MTPN: variants seen among roughly 807,000 people sequenced by gnomAD.
MTPN encodes myotrophin, also known as granule cell differentiation protein.
MTPN carries 2 observed loss-of-function variants against 13.5 expected under a neutral mutation model. That is an observed-to-expected ratio of 0.15 (90% CI 0.06 to 0.47). The LOEUF (loss-of-function observed/expected upper bound fraction) is 0.47, where lower values mean the gene tolerates loss of function less well. MTPN is among the 20% of genes least tolerant of loss of function. MTPN has a pLI of 0.97. For synonymous variants in MTPN, 46 were observed against 51.7 expected (o/e 0.89, Z 0.48); for missense variants, 79 against 137.9 (o/e 0.57, Z 2.14).
chr7:135,959,377 T>C (rs1266555498), intron 1 of MTPN, among the ~76,000 whole-genome samples: 1 of 152,190 alleles, frequency 6.6e-6, no homozygotes, highest in African/African-American at 2.4e-5. Context: ...GCCTTGGAGA[T>C]TGGCGGAAAA....
intron 3 of MTPN, among the ~76,000 whole-genome samples, chr7:135,947,127 G>C (rs962604980): frequency 1.3e-5 from 2 of 152,014 alleles, no homozygotes; most frequent in African/African-American, 4.8e-5. Flanking sequence ...TATTTGTTTA[G>C]AGTTATTCAC....
chr7:135,951,887 A>G (rs1799368681), intron 1 of MTPN, among the ~76,000 whole-genome samples: 1 of 152,246 alleles, frequency 6.6e-6, no homozygotes, highest in Admixed American at 6.5e-5. Flanking sequence ...GAAATACATT[A>G]CTGTCCTCCA....
chr7:135,941,878 T>C lies in MTPN; in HGVS notation c.270+8721A>G, dbSNP rs1282772147. On this transcript the variant is annotated intron_variant, in intron 3 of 3. Coordinates refer to ENST00000393085, the MANE Select transcript of MTPN (RefSeq NM_145808.4). ...GACAGTCACATATTGAGCTGTTATA[T>C]TACTTTTTTTTTTTTTTTTTTGAGA... 4.0e-5 allele frequency among the ~76,000 whole-genome samples: 6 copies of C among 150,690 alleles called. No homozygotes were observed. In the East Asian group the frequency reaches 1.2e-3, roughly 29 times the overall value.
At chr7:135,951,236 T>C (rs1348563203) in intron 2 of MTPN, among the ~76,000 whole-genome samples, 1 of 152,136 alleles carries the variant, frequency 6.6e-6, no homozygotes. Flanking sequence ...TACCCACAGA[T>C]AGTGCTAACT....
intron 1 of MTPN, among the ~76,000 whole-genome samples, chr7:135,974,790 A>T (rs1004067544): frequency 6.6e-6 from 1 of 152,216 alleles, no homozygotes; most frequent in Non-Finnish European, 1.5e-5. Flanking sequence ...GTAGATGAAA[A>T]ATGTGAGTCA....
chr7:135,972,813 C>A (rs1012983467), intron 1 of MTPN, among the ~76,000 whole-genome samples: 1 of 151,502 alleles, frequency 6.6e-6, no homozygotes, highest in African/African-American at 2.4e-5. Flanking sequence ...AGGGCCAACT[C>A]CTCATCGGTA....
At chr7:135,973,731 G>T (rs1799730492) in intron 1 of MTPN, among the ~76,000 whole-genome samples, 1 of 152,118 alleles carries the variant, frequency 6.6e-6, no homozygotes, top group Admixed American at 6.5e-5. Context: ...TGAATTTTAT[G>T]AAAATGAGAT....
At chr7:135,969,250 A>G (rs1052920346) in intron 1 of MTPN, among the ~76,000 whole-genome samples, 1 of 149,058 alleles carries the variant, frequency 6.7e-6, no homozygotes, top group Non-Finnish European at 1.5e-5. Context: ...AAAAAAAAAA[A>G]AAAGAAAAAA....
At chr7:135,948,712 A>G (rs972427268) in intron 3 of MTPN, among the ~76,000 whole-genome samples, 9 of 152,190 alleles carry the variant, frequency 5.9e-5, no homozygotes, top group Non-Finnish European at 1.2e-4. Context: ...TTCTCTATAG[A>G]ATAAAAAATA....
chr7:135,972,209 ACGCG>A (rs1562937966), intron 1 of MTPN, among the ~76,000 whole-genome samples: 1 of 86,910 alleles, frequency 1.2e-5, no homozygotes, highest in African/African-American at 4.4e-5. Context: ...ATAAATACAC[ACGCG>A]CACACGCGCA....
chr7:135,977,104 T>C lies in MTPN; in HGVS notation c.-4A>G. 2 of 1,614,112 alleles carry C rather than the reference T, an allele frequency of 1.2e-6. No individual in the cohort carries two copies. Among genetic ancestry groups the C allele is most frequent in the Non-Finnish European group, 8.5e-7 (1 of 1,180,004 alleles). ...ACATGAACTCCTTGTCGCACATCAC[T>C]GCAGCGGGGCAGGCCGGTTGGCCGG... On this transcript the variant is annotated 5_prime_UTR_variant, in exon 1 of 4. Transcript: ENST00000393085.
intron 3 of MTPN, among the ~76,000 whole-genome samples, chr7:135,941,591 C>T (rs1799210613): frequency 6.6e-6 from 1 of 152,196 alleles, no homozygotes; most frequent in African/African-American, 2.4e-5. Flanking sequence ...ATGAGACTCA[C>T]ACACATGTGA....
At chr7:135,970,023 G>A (rs970663159) in intron 1 of MTPN, among the ~76,000 whole-genome samples, 2 of 152,116 alleles carry the variant, frequency 1.3e-5, no homozygotes, top group African/African-American at 4.8e-5. Context: ...GAGTAATGCA[G>A]ATATAGTCTC....
At chr7:135,963,916 C>T (rs1300542069) in intron 1 of MTPN, among the ~76,000 whole-genome samples, 1 of 151,942 alleles carries the variant, frequency 6.6e-6, no homozygotes, top group Non-Finnish European at 1.5e-5. Flanking sequence ...CAATTAATTA[C>T]ACTTAGAAAT....
chr7:135,948,554 G>C (rs541066440), intron 3 of MTPN, among the ~76,000 whole-genome samples: 9 of 152,180 alleles, frequency 5.9e-5, no homozygotes, highest in Admixed American at 2.6e-4. Flanking sequence ...TGACATCTTA[G>C]GGCCTAATGT....
chr7:135,957,105 T>C (rs1799453314), intron 1 of MTPN, among the ~76,000 whole-genome samples: 1 of 152,240 alleles, frequency 6.6e-6, no homozygotes, highest in African/African-American at 2.4e-5. Context: ...GATTGTATTA[T>C]ATTAAAACAT....
intron 3 of MTPN, among the ~76,000 whole-genome samples, chr7:135,950,216 T>TG (rs1799344539): frequency 6.6e-6 from 1 of 152,176 alleles, no homozygotes; most frequent in South Asian, 2.1e-4. Context: ...TTCCAGAAAA[T>TG]GAAACATATA....
At chr7:135,932,716 T>C (rs1799043251) in intron 3 of MTPN, 1 of 152,084 alleles carries the variant, frequency 6.6e-6, no homozygotes, top group Non-Finnish European at 1.5e-5. Context: ...GGACATTTCA[T>C]AATGATAAAA....
chr7:135,949,584 C>T (rs73164906), intron 3 of MTPN, among the ~76,000 whole-genome samples: 16,876 of 152,158 alleles, frequency 0.11, 1,170 homozygotes, highest in East Asian at 0.16. Context: ...AGAAAAAACC[C>T]TAGCTCTATT....
Sources: allele counts gnomAD v4.1 joint callset (sites outside exome capture counted in the v4.1 genomes callset), GRCh38; gene constraint gnomAD v4.1.1; transcripts MANE v1.5; gene names NCBI Gene and HGNC (gene_info 2026-07-23, HGNC 2026-07-21).